CFAP61: variants seen among roughly 807,000 people sequenced by gnomAD.
CFAP61 encodes cilia and flagella associated protein 61.
A neutral mutation model predicts 135.6 loss-of-function variants in CFAP61; 107 were observed. The observed-to-expected ratio is 0.79, with a 90% CI of 0.67 to 0.93. CFAP61 has a LOEUF of 0.93. Among genes scored for constraint, CFAP61 ranks in the 40% least tolerant of loss-of-function variants. CFAP61 has a pLI of 0.00. For missense variants in CFAP61, 1,507 were observed against 1,556.2 expected, an observed-to-expected ratio of 0.97 and a Z score of 0.53; for synonymous variants, 575 against 578.5, an observed-to-expected ratio of 0.99 and a Z score of 0.09.
intron 14 of CFAP61, among the ~76,000 whole-genome samples, chr20:20,190,180 A>G (rs1227815885): frequency 6.6e-6 from 1 of 152,242 alleles, no homozygotes; most frequent in Non-Finnish European, 1.5e-5. Context: ...AGTTTACACT[A>G]ATGTTCATAG....
intron 20 of CFAP61, chr20:20,253,642 C>T (rs1005648082): frequency 6.6e-6 from 3 of 454,554 alleles, no homozygotes; most frequent in Non-Finnish European, 8.6e-6. Context: ...TTGGCCTGGA[C>T]GCACCTACCA....
At chr20:20,118,006 C>G (rs968366953) in intron 8 of CFAP61, among the ~76,000 whole-genome samples, 1 of 152,002 alleles carries the variant, frequency 6.6e-6, no homozygotes, top group African/African-American at 2.4e-5. Context: ...TTAGGTTTTT[C>G]TAAGTATAAG....
chr20:20,257,628 C>CAAAAAAAAAAAAAAAAAAA (rs79177514), intron 20 of CFAP61, among the ~76,000 whole-genome samples: 1 of 36,822 alleles, frequency 2.7e-5, no homozygotes, highest in Non-Finnish European at 6.2e-5. Flanking sequence ...AACAAAAAAA[C>CAAAAAAAAAAAAAAAAAAA]AAAAAAAAAA....
chr20:20,174,018 T>G (rs1313996062), intron 13 of CFAP61, among the ~76,000 whole-genome samples: 1 of 152,228 alleles, frequency 6.6e-6, no homozygotes, highest in Non-Finnish European at 1.5e-5. Flanking sequence ...TCCACACTTG[T>G]CTGGGAATTA....
chr20:20,306,390 A>T (rs2056479371), intron 25 of CFAP61, among the ~76,000 whole-genome samples: 1 of 152,136 alleles, frequency 6.6e-6, no homozygotes, highest in Non-Finnish European at 1.5e-5. Context: ...AAAGGCTCGG[A>T]TTGAGATTTT....
At chr20:20,213,315 AT>A (rs2047798739) in intron 17 of CFAP61, among the ~76,000 whole-genome samples, 1 of 152,166 alleles carries the variant, frequency 6.6e-6, no homozygotes, top group Admixed American at 6.5e-5. Context: ...AAACCCTCCC[AT>A]TTTTAACCTT....
intron 8 of CFAP61, among the ~76,000 whole-genome samples, chr20:20,106,598 C>T (rs774602119): frequency 2.6e-5 from 4 of 152,106 alleles, no homozygotes; most frequent in Non-Finnish European, 5.9e-5. Flanking sequence ...TATTTATATT[C>T]GTTATGATCA....
intron 25 of CFAP61, among the ~76,000 whole-genome samples, chr20:20,337,137 G>A (rs981844455): frequency 1.6e-4 from 24 of 152,288 alleles, no homozygotes; most frequent in African/African-American, 5.8e-4. Context: ...TGTTTGTTGA[G>A]GGGTGGTGTG....
chr20:20,299,524 AT>A (rs1275117915), intron 25 of CFAP61, among the ~76,000 whole-genome samples: 1 of 152,264 alleles, frequency 6.6e-6, no homozygotes, highest in Non-Finnish European at 1.5e-5. Flanking sequence ...CAAAATGGGC[AT>A]TGGGCTGGAT....
intron 25 of CFAP61, among the ~76,000 whole-genome samples, chr20:20,299,430 A>ATC (rs1323793130): frequency 2.0e-5 from 3 of 152,194 alleles, no homozygotes; most frequent in Admixed American, 2.0e-4. Context: ...GCAAGTACTC[A>ATC]TCCCAGCCCT....
rs3060422 is a variant in CFAP61, at chr20:20,084,401, C to CCTGCTGCTGCTGCTGCTGCTG, written c.567-6424_567-6404dup. 5.2e-3 allele frequency among the ~76,000 whole-genome samples: 789 copies of CCTGCTGCTGCTGCTGCTGCTG among 150,806 alleles called. 3 individuals are homozygous for CCTGCTGCTGCTGCTGCTGCTG. Among genetic ancestry groups the CCTGCTGCTGCTGCTGCTGCTG allele is most frequent in the African/African-American group, 0.017 (702 of 41,026 alleles). ...GCCAGGATTCTGGATGCGGAGGTGG[C>CCTGCTGCTGCTGCTGCTGCTG]CTGCTGCTGCTGCTGCTGCTGCTGC... is the stretch of plus-strand genomic sequence containing the variant. On this transcript the variant is annotated intron_variant, in intron 6 of 26. Coordinates refer to ENST00000245957, the MANE Select transcript of CFAP61 (RefSeq NM_015585.4).
intron 13 of CFAP61, among the ~76,000 whole-genome samples, chr20:20,185,079 T>C (rs1342358208): frequency 6.6e-6 from 1 of 152,246 alleles, no homozygotes; most frequent in Non-Finnish European, 1.5e-5. Flanking sequence ...TGCAAGCTTA[T>C]GCTCGTAAAT....
At chr20:20,187,097 C>T (rs576046065) in intron 13 of CFAP61, among the ~76,000 whole-genome samples, 4 of 152,270 alleles carry the variant, frequency 2.6e-5, no homozygotes, top group East Asian at 1.9e-4. Context: ...TAGCCGAACA[C>T]GCCATGGCAC....
At chr20:20,072,726 G>A (rs185445112) in intron 3 of CFAP61, among the ~76,000 whole-genome samples, 15 of 152,188 alleles carry the variant, frequency 9.9e-5, no homozygotes, top group Admixed American at 3.9e-4. Context: ...ACTAACGAGC[G>A]CTTGAAATGT....
chr20:20,174,898 C>T (rs1292518520), intron 13 of CFAP61, among the ~76,000 whole-genome samples: 1 of 152,208 alleles, frequency 6.6e-6, no homozygotes, highest in African/African-American at 2.4e-5. Flanking sequence ...ATCAGTTAGC[C>T]CGAGGTGGCA....
intron 20 of CFAP61, among the ~76,000 whole-genome samples, chr20:20,262,191 G>A (rs2052297493): frequency 6.6e-6 from 1 of 152,312 alleles, no homozygotes; most frequent in South Asian, 2.1e-4. Context: ...ACATGAAGAG[G>A]TGGAGTCTAG....
At chr20:20,306,354 A>G (rs1386595991) in intron 25 of CFAP61, among the ~76,000 whole-genome samples, 3 of 152,194 alleles carry the variant, frequency 2.0e-5, no homozygotes, top group Non-Finnish European at 4.4e-5. Flanking sequence ...ATCACTTGGC[A>G]TATCATGTTA....
At chr20:20,223,534 A>G (rs2048535861) in intron 17 of CFAP61, among the ~76,000 whole-genome samples, 1 of 152,170 alleles carries the variant, frequency 6.6e-6, no homozygotes, top group Non-Finnish European at 1.5e-5. Flanking sequence ...ATTTATTTTT[A>G]TTGCTCTCTA....
At chr20:20,168,019 G>GA (rs990068229) in intron 12 of CFAP61, among the ~76,000 whole-genome samples, 3 of 151,090 alleles carry the variant, frequency 2.0e-5, no homozygotes, top group Non-Finnish European at 4.4e-5. Flanking sequence ...GAGCCACAAG[G>GA]AAAAAAAAGA....
Sources: gnomAD v4.1 joint callset for allele counts (sites outside exome capture counted in the v4.1 genomes callset) on GRCh38, gnomAD v4.1.1 for gene constraint, MANE v1.5 for transcripts, NCBI Gene and HGNC (gene_info 2026-07-23, HGNC 2026-07-21) for gene names.